LRRIQ3: variants seen among roughly 807,000 people sequenced by gnomAD.
The protein encoded by LRRIQ3 is leucine rich repeats and IQ motif containing 3.
Under a neutral mutation model 59.3 loss-of-function variants are expected in LRRIQ3, and 75 were observed. The ratio of observed to expected loss-of-function variants is 1.26; its 90% CI spans 1.05 to 1.53. The LOEUF (loss-of-function observed/expected upper bound fraction) is 1.53, where lower values mean the gene tolerates loss of function less well. Among genes scored for constraint, LRRIQ3 ranks in the 40% most tolerant of loss-of-function variants. LRRIQ3 has a pLI of 0.00. For missense variants in LRRIQ3, 831 were observed against 710.0 expected, an observed-to-expected ratio of 1.17 and a Z score of -1.94; for synonymous variants, 250 against 231.3, an observed-to-expected ratio of 1.08 and a Z score of -0.73.
At chr1:74,161,578 A>G (rs1648661296) in intron 3 of LRRIQ3, among the ~76,000 whole-genome samples, 1 of 151,974 alleles carries the variant, frequency 6.6e-6, no homozygotes, top group East Asian at 1.9e-4. Context: ...GAAGTGTTGG[A>G]GAAGCAGAAA....
At chr1:74,131,001 G>T (rs937446509) in intron 4 of LRRIQ3, among the ~76,000 whole-genome samples, 1 of 151,838 alleles carries the variant, frequency 6.6e-6, no homozygotes, top group Non-Finnish European at 1.5e-5. Flanking sequence ...TAATACAGAA[G>T]AAAAGAAAGA....
chr1:74,143,735 A>T (rs952896027), intron 4 of LRRIQ3, among the ~76,000 whole-genome samples: 37 of 151,502 alleles, frequency 2.4e-4, no homozygotes, highest in Non-Finnish European at 4.7e-4. Flanking sequence ...TATATTATAT[A>T]TTACAACTTT....
intron 5 of LRRIQ3, among the ~76,000 whole-genome samples, chr1:74,086,126 C>A (rs1570090884): frequency 6.6e-6 from 1 of 152,058 alleles, no homozygotes; most frequent in African/African-American, 2.4e-5. Context: ...TCTTTGTGAA[C>A]AGCCTAACAT....
At chr1:74,051,738 T>C (rs989721290) in intron 6 of LRRIQ3, among the ~76,000 whole-genome samples, 3 of 152,182 alleles carry the variant, frequency 2.0e-5, no homozygotes, top group Non-Finnish European at 4.4e-5. Flanking sequence ...TTCTTATAAA[T>C]GCAATCACAC....
At chr1:74,171,820 T>C (rs1649338590) in intron 3 of LRRIQ3, among the ~76,000 whole-genome samples, 1 of 152,184 alleles carries the variant, frequency 6.6e-6, no homozygotes, top group Admixed American at 6.6e-5. Context: ...ATAGGTATGT[T>C]CAAGCATTCT....
chr1:74,119,819 G>A (rs1382113376), intron 4 of LRRIQ3, among the ~76,000 whole-genome samples: 1 of 151,802 alleles, frequency 6.6e-6, no homozygotes, highest in Non-Finnish European at 1.5e-5. Flanking sequence ...ATCATATATC[G>A]ATAAAGTGGC....
intron 3 of LRRIQ3, among the ~76,000 whole-genome samples, chr1:74,176,951 C>T (rs1649679977): frequency 6.6e-6 from 1 of 152,136 alleles, no homozygotes; most frequent in Non-Finnish European, 1.5e-5. Flanking sequence ...AAACTCCCCA[C>T]CCAGACTTTG....
chr1:74,069,411 G>GAA (rs1350179979), intron 6 of LRRIQ3, among the ~76,000 whole-genome samples: 1 of 151,932 alleles, frequency 6.6e-6, no homozygotes, highest in Admixed American at 6.6e-5. Context: ...AGCAGCCGAT[G>GAA]AAATAGGTAT....
At chr1:74,149,191 T>C (rs1647768492) in intron 4 of LRRIQ3, among the ~76,000 whole-genome samples, 1 of 152,210 alleles carries the variant, frequency 6.6e-6, no homozygotes, top group Admixed American at 6.5e-5. Flanking sequence ...GTTTTGTTGA[T>C]CTCTCAAAAT....
At chr1:74,158,032 C>T (rs1349283686) in intron 3 of LRRIQ3, among the ~76,000 whole-genome samples, 1 of 152,126 alleles carries the variant, frequency 6.6e-6, no homozygotes, top group Non-Finnish European at 1.5e-5. Flanking sequence ...ACCCTGGAAC[C>T]ATCCTAGGTT....
intron 5 of LRRIQ3, among the ~76,000 whole-genome samples, chr1:74,101,390 A>T (rs1027184294): frequency 6.6e-6 from 1 of 152,196 alleles, no homozygotes; most frequent in Non-Finnish European, 1.5e-5. Context: ...AATGGCCATC[A>T]TTAAAAAGTC....
At chr1:74,093,561 A>G (rs901774385) in intron 5 of LRRIQ3, among the ~76,000 whole-genome samples, 10 of 152,240 alleles carry the variant, frequency 6.6e-5, no homozygotes, top group African/African-American at 2.4e-4. Flanking sequence ...CAGACTGGAC[A>G]TCTACCAATA....
chr1:74,055,977 T>C (rs1272710418), intron 6 of LRRIQ3, among the ~76,000 whole-genome samples: 1 of 151,858 alleles, frequency 6.6e-6, no homozygotes. Flanking sequence ...AGCCCGTCTC[T>C]ACTAAAAATA....
chr1:74,056,336 A>G (rs1193667095), intron 6 of LRRIQ3, among the ~76,000 whole-genome samples: 1 of 152,042 alleles, frequency 6.6e-6, no homozygotes, highest in African/African-American at 2.4e-5. Context: ...CACTCTCACC[A>G]CTTGTATTCA....
At chr1:74,143,376 T>C (rs1033279821) in intron 4 of LRRIQ3, among the ~76,000 whole-genome samples, 6 of 151,954 alleles carry the variant, frequency 3.9e-5, no homozygotes, top group African/African-American at 1.4e-4. Flanking sequence ...AGAAGTAAGG[T>C]AAATTTTGAA....
intron 4 of LRRIQ3, among the ~76,000 whole-genome samples, chr1:74,127,488 AT>A (rs1032413864): frequency 1.3e-5 from 2 of 151,090 alleles, no homozygotes; most frequent in East Asian, 1.9e-4. Context: ...TATCTGCTGT[AT>A]TTTTTTTATT....
In LRRIQ3 at chr1:74,074,822, A is replaced by T. The variant is rs182815210; in HGVS notation, c.868-32T>A. ...AAATAAAATAAAAGCAATGACAATG[A>T]TAATATCTCATGTGTTTTAGAGTTC... On this transcript the variant is annotated intron_variant, in intron 5 of 7. Transcript: ENST00000354431. The T allele has an allele frequency of 4.0e-5, 43 of 1,081,666 alleles. No individual in the cohort carries two copies. In the Middle Eastern group the frequency reaches 6.6e-4, roughly 17 times the overall value. 67.0% of individuals were successfully genotyped at this position (1,081,666 alleles called of 1,614,324 possible).
chr1:74,155,808 G>T lies in LRRIQ3; in HGVS notation c.632C>A (p.Ala211Glu). 6.3e-7 allele frequency: 1 copy of T among 1,584,056 alleles called. No individual in the cohort carries two copies. The highest frequency in any genetic ancestry group is 1.4e-5 in the African/African-American group (1 of 73,670). The part of the protein sequence containing the change: ...NIKHITSKIN[A>E]ILAHNSPVLI... ...AACTGGTGAATTATGAGCCAGAATT[G>T]CATTAATTTTTGAAGTAATATGTTT... The change falls in exon 4 of 8, where the codon GCA becomes GAA. Residue 211 changes from alanine (A) to glutamate (E), a missense_variant. Transcript: ENST00000354431.
chr1:74,195,338 A>G (rs868425949), intron 1 of LRRIQ3, among the ~76,000 whole-genome samples: 1 of 152,190 alleles, frequency 6.6e-6, no homozygotes, highest in Non-Finnish European at 1.5e-5. Flanking sequence ...GCTCCACAGT[A>G]TATAATCCAG....
Sources: gnomAD v4.1 joint callset for allele counts (sites outside exome capture counted in the v4.1 genomes callset) on GRCh38, gnomAD v4.1.1 for gene constraint, MANE v1.5 for transcripts, NCBI Gene and HGNC (gene_info 2026-07-23, HGNC 2026-07-21) for gene names.